Variants in ZNF540 observed in about 807,000 individuals in gnomAD.
ZNF540 encodes the protein CTD-3064H18.6.
In ZNF540, 3 loss-of-function variants were observed where a neutral mutation model predicts 11.8. The ratio of observed to expected loss-of-function variants is 0.25; its 90% CI spans 0.12 to 0.65. The LOEUF (loss-of-function observed/expected upper bound fraction) is 0.65. Among genes scored for constraint, ZNF540 ranks in the 30% least tolerant of loss-of-function variants. The pLI is 0.83. For synonymous variants in ZNF540, 247 were observed against 259.0 expected, an observed-to-expected ratio of 0.95 and a Z score of 0.45; for missense variants, 709 against 793.1, an observed-to-expected ratio of 0.89 and a Z score of 1.27.
chr19:37,598,241 G>A (rs190499372), intron 1 of ZNF540, 135 bp from the exon 2 acceptor site: 360 of 575,360 alleles, frequency 6.3e-4, no homozygotes, highest in Non-Finnish European at 8.6e-4. Flanking sequence ...TGAGTGTGTC[G>A]GAGGGAGGTG....
intron 1 of ZNF540, 41 bp downstream of exon 1, chr19:37,595,136 C>T (rs1441433999): frequency 6.6e-6 from 1 of 152,222 alleles, no homozygotes; most frequent in African/African-American, 2.4e-5. Flanking sequence ...GGCCGTGACG[C>T]AGTGGCCACG....
intron 1 of ZNF540, among the ~76,000 whole-genome samples, chr19:37,553,174 C>T (rs1023011462): frequency 9.7e-6 from 1 of 102,994 alleles, no homozygotes; most frequent in Non-Finnish European, 1.8e-5. Context: ...GCCTTTGTCA[C>T]CTAGGCTGGA....
Position 37,580,199 on chromosome 19 carries a change from G to T in ZNF540, c.-72-18177G>T, listed in dbSNP as rs983470875. On this transcript the variant is annotated intron_variant, in intron 1 of 4. Transcript: ENST00000592533. ...ATCTCCAGCTATATTATCAGGTTTA[G>T]GCTTTATTTTCCTGCTGACAGTTGG... Among the ~76,000 whole-genome samples, 5 of 152,198 alleles carry T rather than the reference G, an allele frequency of 3.3e-5. No individual in the cohort carries two copies. In the East Asian group the frequency reaches 5.8e-4, roughly 18 times the overall value.
intron 1 of ZNF540, chr19:37,565,760 T>C (rs151199844): frequency 5.6e-6 from 9 of 1,613,812 alleles, no homozygotes; most frequent in South Asian, 4.4e-5. Flanking sequence ...GTTACACTGA[T>C]AAGGTTTTTC....
intron 4 of ZNF540, 141 bp from the exon 5 acceptor site, chr19:37,611,372 A>C (rs1364184424): frequency 1.8e-5 from 12 of 650,650 alleles, no homozygotes; most frequent in Non-Finnish European, 3.0e-5. Flanking sequence ...TTCAAATTAT[A>C]TAACTTTATT....
chr19:37,572,985 A>G (rs184320223), intron 1 of ZNF540, among the ~76,000 whole-genome samples: 1 of 152,330 alleles, frequency 6.6e-6, no homozygotes, highest in East Asian at 1.9e-4. Flanking sequence ...TAATATTTGT[A>G]CTAGTAGCTT....
chr19:37,580,705 A>C (rs1249204027), intron 1 of ZNF540, among the ~76,000 whole-genome samples: 1 of 152,114 alleles, frequency 6.6e-6, no homozygotes, highest in African/African-American at 2.4e-5. Context: ...TTTTTAAAAA[A>C]GCCTGTCACC....
chr19:37,589,863 T>TAAAAAA (rs1228213871), upstream of ZNF540, among the ~76,000 whole-genome samples: 1 of 2,334 alleles, frequency 4.3e-4, no homozygotes, highest in African/African-American at 6.1e-3. Context: ...AGACTCCATC[T>TAAAAAA]CAAAAAAAAA....
At chr19:37,588,891 G>A (rs1365285790) in intron 1 of ZNF540, among the ~76,000 whole-genome samples, 1 of 152,036 alleles carries the variant, frequency 6.6e-6, no homozygotes, top group African/African-American at 2.4e-5. Context: ...AAATATATAA[G>A]ATATCTAAAT....
chr19:37,603,068 C>A (rs891309648), intron 4 of ZNF540, among the ~76,000 whole-genome samples: 7 of 138,688 alleles, frequency 5.0e-5, no homozygotes, highest in African/African-American at 1.9e-4. Context: ...AGTGCAATGG[C>A]ATGATCTCGG....
At chr19:37,581,471 T>C (rs929241920) in intron 1 of ZNF540, among the ~76,000 whole-genome samples, 20 of 150,966 alleles carry the variant, frequency 1.3e-4, no homozygotes, top group African/African-American at 4.4e-4. Context: ...TCTTTCTTTT[T>C]TTTTTTTTTT....
chr19:37,591,878 GA>G (rs951506904), upstream of ZNF540, among the ~76,000 whole-genome samples: 2 of 151,956 alleles, frequency 1.3e-5, no homozygotes, highest in African/African-American at 4.8e-5. Flanking sequence ...AATACTTGAT[GA>G]AAAAAAGTTC....
At chr19:37,597,484 A>T (rs970320664) in intron 1 of ZNF540, 2 of 152,190 alleles carry the variant, frequency 1.3e-5, no homozygotes, top group African/African-American at 4.8e-5. Flanking sequence ...CTGGAGTGCA[A>T]TGGGGCGATC....
Position 37,613,083 on chromosome 19 carries a change from T to C in ZNF540, c.1803T>C (p.His601=), listed in dbSNP as rs1441832567. 1 of 1,613,880 alleles carries C rather than the reference T, an allele frequency of 6.2e-7. No individual in the cohort carries two copies. The highest frequency in any genetic ancestry group is 8.5e-7 in the Non-Finnish European group (1 of 1,179,968). The change falls in exon 5 of 5, where the codon CAT becomes CAC. Residue 601 remains histidine (H), a synonymous_variant. Coordinates refer to ENST00000316433, the MANE Select transcript of ZNF540 (RefSeq NM_001172225.3). The part of the protein sequence containing the change: ...SVDLRIHQRI[H]TGEKPYECKQ... ...ACCTTAGAATACATCAAAGAATTCA[T>C]ACTGGTGAGAAACCCTATGAGTGTA...
chr19:37,610,760 T>C (rs2044121970), intron 4 of ZNF540, among the ~76,000 whole-genome samples: 1 of 152,306 alleles, frequency 6.6e-6, no homozygotes, highest in South Asian at 2.1e-4. Flanking sequence ...GGTAACATGT[T>C]TGGATTTTAT....
At chr19:37,588,571 G>C (rs534751588) in intron 1 of ZNF540, among the ~76,000 whole-genome samples, 17 of 152,164 alleles carry the variant, frequency 1.1e-4, no homozygotes, top group Non-Finnish European at 1.5e-5. Context: ...GAGAGAAGGA[G>C]GAGGGCAAAG....
chr19:37,589,200 CAAAAAAA>C (rs35689698), intron 1 of ZNF540, among the ~76,000 whole-genome samples: 27,524 of 108,896 alleles, frequency 0.25, 2,725 homozygotes, highest in Middle Eastern at 0.4. Flanking sequence ...AACTCCGTCT[CAAAAAAA>C]AAAAAAAAAA....
chr19:37,568,317 A>ACCCC (rs5827983), intron 1 of ZNF540, among the ~76,000 whole-genome samples: 2 of 142,258 alleles, frequency 1.4e-5, no homozygotes, highest in African/African-American at 5.3e-5. Flanking sequence ...AAAAGCAACT[A>ACCCC]CCCCCCCCCA....
Position 37,553,009 on chromosome 19 carries a change from GTTT to G in ZNF540, c.-73+1358_-73+1360del, listed in dbSNP as rs34788856. Among the ~76,000 whole-genome samples, 248 of 139,178 alleles carry G rather than the reference GTTT, an allele frequency of 1.8e-3. 1 individual carries two copies. The highest frequency in any genetic ancestry group is 3.0e-3 in the Non-Finnish European group (197 of 64,772). The allele number at this position is 139,178 out of a possible 152,430, so 91.3% of individuals were successfully genotyped here. ...CATTTTGGTATAGTGTTTGCATGGT[GTTT>G]TTTTTTTTTTTTTAACTTTTAACCT... On this transcript the variant is annotated intron_variant, in intron 1 of 4. Coordinates refer to the ZNF540 transcript ENST00000592533.
Sources: gnomAD v4.1 joint callset for allele counts (sites outside exome capture counted in the v4.1 genomes callset) on GRCh38, gnomAD v4.1.1 for gene constraint, MANE v1.5 for transcripts, NCBI Gene and HGNC (gene_info 2026-07-23, HGNC 2026-07-21) for gene names.